Variants in PIGL observed in about 807,000 individuals in gnomAD.
PIGL encodes the protein phosphatidylinositol glycan anchor biosynthesis class L.
A neutral mutation model predicts 31.1 loss-of-function variants in PIGL; 22 were observed. The observed-to-expected ratio is 0.71, with a 90% CI of 0.51 to 1.01. The LOEUF (loss-of-function observed/expected upper bound fraction) is 1.01. Among genes scored for constraint, PIGL ranks in the 50% least tolerant of loss-of-function variants. The pLI is 0.00. For missense variants in PIGL, 302 were observed against 315.9 expected, an observed-to-expected ratio of 0.96 and a Z score of 0.33; for synonymous variants, 131 against 117.4, an observed-to-expected ratio of 1.12 and a Z score of -0.75.
chr17:16,254,989 G>C (rs2092788044), intron 2 of PIGL, among the ~76,000 whole-genome samples: 1 of 152,182 alleles, frequency 6.6e-6, no homozygotes, highest in Admixed American at 6.5e-5. Context: ...TTTAGTAAAG[G>C]AATGATTCCA....
chr17:16,290,506 G>A (rs571940377), intron 2 of PIGL, among the ~76,000 whole-genome samples: 2 of 152,186 alleles, frequency 1.3e-5, no homozygotes, highest in African/African-American at 4.8e-5. Flanking sequence ...TGATCCTTAT[G>A]CCTCAGCCTC....
At chr17:16,286,328 T>TG (rs964672885) in intron 2 of PIGL, among the ~76,000 whole-genome samples, 1 of 152,236 alleles carries the variant, frequency 6.6e-6, no homozygotes, top group Non-Finnish European at 1.5e-5. Flanking sequence ...GGGCTGGGTC[T>TG]GGGGGAGAAA....
chr17:16,249,636 C>T (rs1293928965), intron 2 of PIGL, among the ~76,000 whole-genome samples: 1 of 152,138 alleles, frequency 6.6e-6, no homozygotes, highest in Admixed American at 6.6e-5. Context: ...AGGCCGAGGG[C>T]CTGAGAAACA....
Position 16,281,526 on chromosome 17 carries a change from T to C in PIGL, c.336-18362T>C, listed in dbSNP as rs1397343622. The stretch of plus-strand genomic sequence containing the variant: ...GCTATCTTCTGGCCAGCACTGCAAG[T>C]GTATCTTTTGTCTACATTCTTAAGT... On this transcript the variant is annotated intron_variant, in intron 2 of 6. Coordinates refer to ENST00000225609, the MANE Select transcript of PIGL (RefSeq NM_004278.4). Among the ~76,000 whole-genome samples the C allele has an allele frequency of 2.6e-5, 4 of 152,226 alleles. No individual in the cohort carries two copies. The East Asian group carries it at 5.8e-4, about 22-fold the overall frequency.
intron 3 of PIGL, among the ~76,000 whole-genome samples, chr17:16,301,620 G>A (rs544164937): frequency 7.0e-6 from 1 of 143,838 alleles, no homozygotes; most frequent in South Asian, 2.2e-4. Context: ...TGCCCAGGCT[G>A]GAGTGCAGTG....
rs550960915 is a variant in PIGL, at chr17:16,258,107, G to A, written c.335+24037G>A. 7.3e-4 allele frequency among the ~76,000 whole-genome samples: 94 copies of A among 127,902 alleles called. 1 individual carries two copies. The East Asian group carries it at 0.013, about 18-fold the overall frequency. 83.9% of individuals were successfully genotyped at this position (127,902 alleles called of 152,430 possible). A position where few individuals can be genotyped will look rare whatever the true frequency, so the allele number is the denominator to read the frequency against. ...AGAGAGAGAGAGAGAGAGAGAAAGAGAGAGAGAGAGAGAGAGAAAGAGAGA... is the reference window on the plus strand; with the variant it reads ...AGAGAGAGAGAGAGAGAGAGAAAGAAAGAGAGAGAGAGAGAGAAAGAGAGA... On this transcript the variant is annotated intron_variant, in intron 2 of 6. Transcript: ENST00000225609.
chr17:16,240,305 A>C (rs529917498), intron 2 of PIGL, among the ~76,000 whole-genome samples: 1 of 152,148 alleles, frequency 6.6e-6, no homozygotes, highest in Non-Finnish European at 1.5e-5. Context: ...CAGAGCCATG[A>C]GCCAATTAAA....
intron 2 of PIGL, among the ~76,000 whole-genome samples, chr17:16,286,347 C>T (rs1407120622): frequency 6.6e-6 from 1 of 152,226 alleles, no homozygotes; most frequent in African/African-American, 2.4e-5. Flanking sequence ...AAGACCTGGG[C>T]CCCTGGGCTT....
chr17:16,218,710 G>A (rs185999159), intron 1 of PIGL, among the ~76,000 whole-genome samples: 20 of 125,710 alleles, frequency 1.6e-4, no homozygotes, highest in African/African-American at 5.5e-4. Flanking sequence ...AGATAGTCTC[G>A]CTCTGTTGCC....
At chr17:16,225,383 C>CTT (rs948575134) in intron 1 of PIGL, among the ~76,000 whole-genome samples, 112 of 97,526 alleles carry the variant, frequency 1.1e-3, no homozygotes, top group African/African-American at 1.5e-3. Flanking sequence ...AAGCACGTTT[C>CTT]TTTTTTTTTT....
chr17:16,308,226 A>G (rs2093034025), intron 3 of PIGL, among the ~76,000 whole-genome samples: 1 of 151,868 alleles, frequency 6.6e-6, no homozygotes, highest in Admixed American at 6.6e-5. Context: ...CCAGCTACTC[A>G]GGAGGCTGAG....
chr17:16,275,046 AAAAG>A (rs892667746), intron 2 of PIGL, among the ~76,000 whole-genome samples: 2 of 151,720 alleles, frequency 1.3e-5, no homozygotes, highest in Admixed American at 1.3e-4. Flanking sequence ...AAAAAAAAAG[AAAAG>A]AAAGAAAGTA....
chr17:16,286,691 G>A (rs1183424639), intron 2 of PIGL, among the ~76,000 whole-genome samples: 1 of 152,122 alleles, frequency 6.6e-6, no homozygotes, highest in Non-Finnish European at 1.5e-5. Flanking sequence ...GAGTCGTCGG[G>A]CTTCTACGAG....
chr17:16,288,438 C>G (rs1005153908), intron 2 of PIGL, among the ~76,000 whole-genome samples: 1 of 152,222 alleles, frequency 6.6e-6, no homozygotes, highest in African/African-American at 2.4e-5. Context: ...AACTCCTGAC[C>G]TCGTGATCCA....
Position 16,299,987 on chromosome 17 carries a change from GC to G in PIGL, c.426+10del. The G allele has an allele frequency of 6.2e-7, 1 of 1,607,146 alleles. No homozygotes were observed. Among genetic ancestry groups the G allele is most frequent in the South Asian group, 1.1e-5 (1 of 90,928 alleles). On this transcript the variant is annotated intron_variant, in intron 3 of 6. Transcript: ENST00000225609. ...TGAATGGCATCAATCTGGTAAGGGG[GC>G]AGCTCCCTGAATGGAAAACCTGAGG... is the stretch of plus-strand genomic sequence containing the variant.
intron 1 of PIGL, among the ~76,000 whole-genome samples, chr17:16,221,124 CAT>C (rs2092626905): frequency 6.6e-6 from 1 of 152,084 alleles, no homozygotes; most frequent in Non-Finnish European, 1.5e-5. Context: ...ACAATAAAAA[CAT>C]TGAGTGCCAA....
chr17:16,239,076 T>G (rs2092712031), intron 2 of PIGL, among the ~76,000 whole-genome samples: 1 of 151,648 alleles, frequency 6.6e-6, no homozygotes, highest in South Asian at 2.1e-4. Context: ...GCACGCACCC[T>G]GTAGTCCTGG....
intron 2 of PIGL, among the ~76,000 whole-genome samples, chr17:16,280,349 C>A (rs1172559983): frequency 6.6e-6 from 1 of 152,204 alleles, no homozygotes; most frequent in Admixed American, 6.5e-5. Context: ...AGCTGGTTTT[C>A]AGCCCCCAAT....
At chr17:16,248,119 C>G (rs2092756559) in intron 2 of PIGL, among the ~76,000 whole-genome samples, 1 of 152,188 alleles carries the variant, frequency 6.6e-6, no homozygotes, top group Non-Finnish European at 1.5e-5. Flanking sequence ...AACTCCTGAC[C>G]TCGTGATCCA....
Sources: allele counts gnomAD v4.1 joint callset (sites outside exome capture counted in the v4.1 genomes callset), GRCh38; gene constraint gnomAD v4.1.1; transcripts MANE v1.5; gene names NCBI Gene and HGNC (gene_info 2026-07-23, HGNC 2026-07-21).